CADPS: variants seen among roughly 807,000 people sequenced by gnomAD.
CADPS encodes calcium-dependent secretion activator 1.
Under a neutral mutation model 167.3 loss-of-function variants are expected in CADPS, and 57 were observed. The observed-to-expected ratio is 0.34, with a 90% CI of 0.28 to 0.42. The LOEUF is 0.42. CADPS is among the 20% of genes least tolerant of loss of function. The probability of loss-of-function intolerance (pLI) is 1.00; values close to 1 mark genes in which losing one functional copy is unlikely to be tolerated. For synonymous variants in CADPS, 676 were observed against 635.3 expected (o/e 1.06, Z -0.96); for missense variants, 1,414 against 1,738.1 (o/e 0.81, Z 3.32).
chr3:62,599,696 A>T (rs1289604737), intron 6 of CADPS, among the ~76,000 whole-genome samples: 12 of 45,994 alleles, frequency 2.6e-4, no homozygotes, highest in African/African-American at 7.4e-4. Context: ...TAATATTATA[A>T]TATATATATT....
At chr3:62,649,218 G>A (rs1487830345) in intron 5 of CADPS, among the ~76,000 whole-genome samples, 2 of 152,122 alleles carry the variant, frequency 1.3e-5, no homozygotes, top group Non-Finnish European at 2.9e-5. Flanking sequence ...AAATTTTGGA[G>A]TGGATAAGAA....
intron 8 of CADPS, among the ~76,000 whole-genome samples, chr3:62,576,629 G>A (rs1416303550): frequency 2.1e-5 from 3 of 141,718 alleles, no homozygotes; most frequent in Non-Finnish European, 3.0e-5. Flanking sequence ...CATTTCTACT[G>A]AAAAAAAAAA....
intron 1 of CADPS, among the ~76,000 whole-genome samples, chr3:62,873,853 G>A (rs2083117210): frequency 6.6e-6 from 1 of 152,078 alleles, no homozygotes; most frequent in African/African-American, 2.4e-5. Flanking sequence ...TGACCCGGAC[G>A]GAAGGACCAG....
rs560461320 is a variant in CADPS at position 62,676,391 on chromosome 3, T to C, written c.889-13997A>G. 2.6e-5 allele frequency among the ~76,000 whole-genome samples: 4 copies of C among 152,280 alleles called. No individual in the cohort carries two copies. In the East Asian group the frequency reaches 7.7e-4, roughly 29 times the overall value. Reference sequence around the variant, plus strand: ...GAACTGTCAATATCCTAACATGGTCTATGCGATTTTTTAAAATTGAAAAAT... The same window carrying C: ...GAACTGTCAATATCCTAACATGGTCCATGCGATTTTTTAAAATTGAAAAAT... On this transcript the variant is annotated intron_variant, in intron 3 of 29. Transcript: ENST00000383710.
At position 62,438,072 on chromosome 3, in the gene CADPS, T is replaced by C. The variant is rs776715143; in HGVS notation, c.3777+32A>G. The stretch of plus-strand genomic sequence containing the variant: ...GTCACATTTTGGAGGGTCTCCTCCT[T>C]GGTTTTCAAGGAGGAGAAGGCATTT... On this transcript the variant is annotated intron_variant, in intron 28 of 29. Transcript: ENST00000383710. The surrounding 1 kb of genome is among the most constrained non-coding windows in gnomAD (Gnocchi z 4.7). 13 of 1,457,274 alleles carry C rather than the reference T, an allele frequency of 8.9e-6. No individual in the cohort carries two copies. The highest frequency in any genetic ancestry group is 3.4e-5 in the Admixed American group (2 of 58,876). 90.3% of individuals were successfully genotyped at this position (1,457,274 alleles called of 1,614,324 possible).
intron 3 of CADPS, among the ~76,000 whole-genome samples, chr3:62,673,987 T>TA (rs1246578251): frequency 2.0e-5 from 3 of 152,192 alleles, no homozygotes; most frequent in Admixed American, 2.0e-4. Flanking sequence ...ATGCTTTTGC[T>TA]AAAAAATACC....
chr3:62,430,670 A>G (rs1334601218), intron 28 of CADPS, among the ~76,000 whole-genome samples: 2 of 152,118 alleles, frequency 1.3e-5, no homozygotes, highest in African/African-American at 2.4e-5. Context: ...ACATACATAC[A>G]TACACATACA....
At chr3:62,649,973 A>G (rs778007103) in intron 5 of CADPS, among the ~76,000 whole-genome samples, 5 of 152,136 alleles carry the variant, frequency 3.3e-5, no homozygotes, top group African/African-American at 4.8e-5. Context: ...TTGTCGATCC[A>G]TTCACCAGTT....
intron 15 of CADPS, 139 bp downstream of exon 15, chr3:62,516,441 C>T (rs1224328681): frequency 2.6e-5 from 20 of 766,376 alleles, no homozygotes; most frequent in African/African-American, 1.4e-4. Flanking sequence ...GCAGTTTCCT[C>T]GCTTCTATTC....
chr3:62,480,203 C>T (rs750974262), intron 22 of CADPS, among the ~76,000 whole-genome samples: 1 of 152,064 alleles, frequency 6.6e-6, no homozygotes, highest in South Asian at 2.1e-4. Flanking sequence ...AATGTGTTCC[C>T]ACTCATGCCT....
intron 1 of CADPS, among the ~76,000 whole-genome samples, chr3:62,855,658 A>G (rs1331320885): frequency 6.6e-6 from 1 of 152,160 alleles, no homozygotes; most frequent in Non-Finnish European, 1.5e-5. Flanking sequence ...ACAAAACGTA[A>G]GTTGTCAAAT....
chr3:62,434,165 T>G (rs1023391274), intron 28 of CADPS, among the ~76,000 whole-genome samples: 1 of 152,256 alleles, frequency 6.6e-6, no homozygotes, highest in African/African-American at 2.4e-5. Context: ...TATTGGAATA[T>G]TCTCTTACTT....
intron 1 of CADPS, among the ~76,000 whole-genome samples, chr3:62,782,783 G>A (rs976387032): frequency 2.1e-5 from 3 of 145,114 alleles, no homozygotes; most frequent in African/African-American, 7.8e-5. Context: ...TTTTTGAGAC[G>A]GAGTCTTGCT....
intron 17 of CADPS, among the ~76,000 whole-genome samples, chr3:62,503,274 C>T (rs1254092785): frequency 6.6e-6 from 1 of 152,164 alleles, no homozygotes; most frequent in Non-Finnish European, 1.5e-5. Context: ...CTTGTCATCC[C>T]CCATATGTTA....
intron 28 of CADPS, among the ~76,000 whole-genome samples, chr3:62,436,126 G>T (rs2054980118): frequency 6.6e-6 from 1 of 152,098 alleles, no homozygotes; most frequent in African/African-American, 2.4e-5. Context: ...AGCCACAAAA[G>T]AGATAATGTG....
intron 19 of CADPS, among the ~76,000 whole-genome samples, chr3:62,492,986 A>G (rs2063998456): frequency 6.6e-6 from 1 of 152,248 alleles, no homozygotes; most frequent in South Asian, 2.1e-4. Flanking sequence ...AAAGAAAACC[A>G]TTGTTGCAAT....
At chr3:62,742,272 AT>A (rs1218092573) in intron 3 of CADPS, among the ~76,000 whole-genome samples, 4 of 152,128 alleles carry the variant, frequency 2.6e-5, no homozygotes, top group Non-Finnish European at 4.4e-5. Context: ...CTAGAAAAAA[AT>A]ATTAAAAAAT....
intron 11 of CADPS, among the ~76,000 whole-genome samples, chr3:62,537,093 T>C (rs1341536706): frequency 6.6e-6 from 1 of 152,122 alleles, no homozygotes; most frequent in African/African-American, 2.4e-5. Context: ...GCCAATTTGG[T>C]TTCATAAAAG....
intron 12 of CADPS, among the ~76,000 whole-genome samples, chr3:62,534,273 A>G (rs925771909): frequency 1.1e-4 from 16 of 152,174 alleles, no homozygotes; most frequent in African/African-American, 3.6e-4. Context: ...TGGGAGAGAA[A>G]AGGCAAAAAG....
Sources: gnomAD v4.1 joint callset for allele counts (sites outside exome capture counted in the v4.1 genomes callset) on GRCh38, gnomAD v4.1.1 for gene constraint, Gnocchi (gnomAD v3.1) non-coding constraint, MANE v1.5 for transcripts, NCBI Gene and HGNC (gene_info 2026-07-23, HGNC 2026-07-21) for gene names.